The following ZNF699 variants were observed in gnomAD, a reference collection of about 807,000 sequenced individuals.
ZNF699 encodes zinc finger protein 699.
A neutral mutation model predicts 22.5 loss-of-function variants in ZNF699; 18 were observed. The observed-to-expected ratio is 0.80, with a 90% confidence interval of 0.55 to 1.19. The LOEUF (loss-of-function observed/expected upper bound fraction) is 1.19, where lower values mean the gene tolerates loss of function less well. Among genes scored for constraint, ZNF699 ranks in the 50% most tolerant of loss-of-function variants. The pLI, the probability that ZNF699 is intolerant of heterozygous loss-of-function variation, is 0.00. For synonymous variants in ZNF699, 241 were observed against 262.3 expected (o/e 0.92, Z 0.78); for missense variants, 670 against 763.4 (o/e 0.88, Z 1.44).
intron 1 of ZNF699, among the ~76,000 whole-genome samples, chr19:9,306,261 G>C (rs1017415767): frequency 6.6e-6 from 1 of 151,912 alleles, no homozygotes; most frequent in Non-Finnish European, 1.5e-5. Context: ...GCGTGGTGGC[G>C]CAAGCCTGTA....
At chr19:9,301,078 T>C (rs1212997081) in intron 3 of ZNF699, among the ~76,000 whole-genome samples, 3 of 150,896 alleles carry the variant, frequency 2.0e-5, no homozygotes, top group Non-Finnish European at 4.4e-5. Flanking sequence ...TACCTTCCAC[T>C]CAATTCAGCT....
chr19:9,303,977 C>T (rs1568346739), intron 2 of ZNF699, among the ~76,000 whole-genome samples: 2 of 151,586 alleles, frequency 1.3e-5, no homozygotes, highest in Admixed American at 6.6e-5. Flanking sequence ...GCTACCATGC[C>T]CAGCTACTTT....
rs933814184 is a variant in ZNF699, at chr19:9,291,929, T to C, written c.*3546A>G. Among the ~76,000 whole-genome samples, 2 of 152,150 alleles carry C rather than the reference T, an allele frequency of 1.3e-5. No individual in the cohort carries two copies. The highest frequency in any genetic ancestry group is 2.9e-5 in the Non-Finnish European group (2 of 68,038). ...GTTGGCCAGGCTGGTCTTAAACTCC[T>C]GACCTCAGGTGATCCGCCCACCTCG... On this transcript the variant is annotated 3_prime_UTR_variant, in exon 6 of 6. Coordinates refer to ENST00000591998, the MANE Select transcript of ZNF699 (RefSeq NM_198535.3).
chr19:9,305,050 ACAATTAT>A lies in ZNF699; in HGVS notation c.48+15_48+21del, dbSNP rs1481514124. ...TGGTACAATGGAAATATTCTTTTGG[ACAATTAT>A]CACCTTTTACTTACCTGTATTCTAT... On this transcript the variant is annotated intron_variant, in intron 2 of 5. Transcript: ENST00000591998. 1.3e-6 allele frequency: 2 copies of A among 1,599,400 alleles called. No homozygotes were observed. The highest frequency in any genetic ancestry group is 2.7e-5 in the African/African-American group (2 of 74,570).
rs1465683449 is a variant in ZNF699 at position 9,305,260 on chromosome 19, A to AACACACACAC, written c.-5-137_-5-136insGTGTGTGTGT. 2.2e-4 allele frequency: 140 copies of AACACACACAC among 651,014 alleles called. 4 individuals carry two copies. In the African/African-American group the frequency reaches 2.3e-3, roughly 11 times the overall value. 40.3% of individuals were successfully genotyped at this position (651,014 alleles called of 1,614,324 possible). A position where few individuals can be genotyped will look rare whatever the true frequency, so the allele number is the denominator to read the frequency against. On this transcript the variant is annotated intron_variant, in intron 1 of 5. Transcript: ENST00000591998. The stretch of plus-strand genomic sequence containing the variant: ...AATTATAAGTAACAACTCCCCTCAA[A>AACACACACAC]ACACATACACACACACACACACACA...
At position 9,295,449 on chromosome 19, in the gene ZNF699, T is replaced by G. The variant is rs1449019946; in HGVS notation, c.*26A>C. The G allele has an allele frequency of 1.9e-6, 3 of 1,572,974 alleles. No individual in the cohort carries two copies. Among genetic ancestry groups the G allele is most frequent in the Admixed American group, 3.6e-5 (2 of 55,860 alleles). Reference sequence around the variant, plus strand: ...ACATGTTGCCTAGGATCTGAAGCTTTGCAGACATTCCCATATTCCTTACAT... The same window carrying G: ...ACATGTTGCCTAGGATCTGAAGCTTGGCAGACATTCCCATATTCCTTACAT... On this transcript the variant is annotated 3_prime_UTR_variant, in exon 6 of 6. Transcript: ENST00000591998.
At chr19:9,309,146 T>TC (rs1244573548) in intron 1 of ZNF699, among the ~76,000 whole-genome samples, 1 of 149,088 alleles carries the variant, frequency 6.7e-6, no homozygotes, top group Non-Finnish European at 1.5e-5. Flanking sequence ...CTTTTTTTTT[T>TC]TTTTTTTTTT....
In ZNF699 at chr19:9,291,511, T is replaced by C. The variant is rs2066265410; in HGVS notation, c.*3964A>G. On this transcript the variant is annotated 3_prime_UTR_variant, in exon 6 of 6. Transcript: ENST00000591998. ...CCATGGTCTCTTTGATAAATCTATATACACACACCTTGATCCTACCTCACA... is the reference window on the plus strand; with the variant it reads ...CCATGGTCTCTTTGATAAATCTATACACACACACCTTGATCCTACCTCACA... The C allele has an allele frequency of 6.6e-6, 1 of 152,078 alleles. No individual in the cohort carries two copies. Among genetic ancestry groups the C allele is most frequent in the African/African-American group, 2.4e-5 (1 of 41,406 alleles). 9.4% of individuals were successfully genotyped at this position (152,078 alleles called of 1,614,324 possible).
intron 1 of ZNF699, among the ~76,000 whole-genome samples, chr19:9,306,363 G>A (rs1235181370): frequency 6.6e-6 from 1 of 150,606 alleles, no homozygotes; most frequent in Non-Finnish European, 1.5e-5. Context: ...CTGTACTCCA[G>A]CCTGGGAGAC....
chr19:9,296,375 G>C lies in ZNF699; in HGVS notation c.1029C>G (p.Ala343=). ...KPYECKECGK[A]FSSSSHLIIH... Reference sequence around the variant, plus strand: ...TTATAAGGTGAGAGGAAGAGCTAAAGGCCTTCCCACATTCCTTACATTCAT... The same window carrying C: ...TTATAAGGTGAGAGGAAGAGCTAAACGCCTTCCCACATTCCTTACATTCAT... Residue 343 remains alanine, a synonymous_variant, in exon 6 of 6, where the codon GCC becomes GCG. Coordinates refer to ENST00000591998, the MANE Select transcript of ZNF699 (RefSeq NM_198535.3). The C allele has an allele frequency of 6.2e-7, 1 of 1,613,958 alleles. No individual in the cohort carries two copies. The highest frequency in any genetic ancestry group is 8.5e-7 in the Non-Finnish European group (1 of 1,179,938).
rs1170324520 is a variant in ZNF699 at position 9,293,824 on chromosome 19, G to A, written c.*1651C>T. Among the ~76,000 whole-genome samples the A allele has an allele frequency of 1.3e-5, 2 of 150,648 alleles. No individual in the cohort carries two copies. Among genetic ancestry groups the A allele is most frequent in the Non-Finnish European group, 3.0e-5 (2 of 67,744 alleles). On this transcript the variant is annotated 3_prime_UTR_variant, in exon 6 of 6. Coordinates refer to ENST00000591998, the MANE Select transcript of ZNF699 (RefSeq NM_198535.3). Reference sequence around the variant, plus strand: ...AATAGTAGAGTTATACTTTTAAAGAGAAAATATAATAGGAGGGAAATATCA... The same window carrying A: ...AATAGTAGAGTTATACTTTTAAAGAAAAAATATAATAGGAGGGAAATATCA...
In ZNF699 at chr19:9,302,480, C is replaced by T. The variant is rs752174879; in HGVS notation, c.73G>A (p.Ala25Thr). The T allele has an allele frequency of 3.1e-5, 50 of 1,613,334 alleles. No individual in the cohort carries two copies. Among genetic ancestry groups the T allele is most frequent in the Non-Finnish European group, 4.2e-5 (49 of 1,179,618 alleles). ...IQDSVVFEDVAVDFTQEEWAL... is the reference protein window; with the variant it reads ...IQDSVVFEDVTVDFTQEEWAL... ...CATTCCTCCTGGGTAAAGTCCACAG[C>T]CACATCCTCAAAGACTACTGAGTCC... Residue 25 changes from alanine (A) to threonine (T), a missense_variant, in exon 3 of 6, where the codon GCT (alanine) becomes ACT (threonine). By Grantham distance (58) the Ala-to-Thr change is moderately conservative. Coordinates refer to ENST00000591998, the MANE Select transcript of ZNF699 (RefSeq NM_198535.3).
At chr19:9,308,162 T>C (rs527739704) in intron 1 of ZNF699, among the ~76,000 whole-genome samples, 178 of 152,286 alleles carry the variant, frequency 1.2e-3, no homozygotes, top group African/African-American at 4.1e-3. Flanking sequence ...ATTTAATTTA[T>C]TGTTTAAGAC....
chr19:9,308,310 A>G (rs1029774019), intron 1 of ZNF699, among the ~76,000 whole-genome samples: 1 of 152,142 alleles, frequency 6.6e-6, no homozygotes, highest in African/African-American at 2.4e-5. Flanking sequence ...GCAACAGGGC[A>G]TAAACAACAA....
intron 3 of ZNF699, among the ~76,000 whole-genome samples, chr19:9,298,244 G>T (rs949686014): frequency 6.6e-6 from 1 of 151,024 alleles, no homozygotes; most frequent in Admixed American, 6.6e-5. Flanking sequence ...TCAGGGGTTC[G>T]AGACTAGCCT....
intron 3 of ZNF699, among the ~76,000 whole-genome samples, chr19:9,298,229 C>T (rs113840083): frequency 0.017 from 2,552 of 150,430 alleles, 65 homozygotes; most frequent in African/African-American, 0.058. Flanking sequence ...AGGCAGATCA[C>T]GAGGTCAGGG....
chr19:9,303,984 CT>C (rs200733753), intron 2 of ZNF699, among the ~76,000 whole-genome samples: 22 of 151,676 alleles, frequency 1.5e-4, no homozygotes, highest in Admixed American at 6.6e-4. Flanking sequence ...TGCCCAGCTA[CT>C]TTTTTTTGTA....
chr19:9,297,237 G>T lies in ZNF699; in HGVS notation c.470+59C>A. On this transcript the variant is annotated intron_variant, in intron 5 of 5. Transcript: ENST00000591998. This position sits in a 1 kb window ranked among gnomAD's most constrained non-coding sequence, Gnocchi z 4.3. ...TATATACATATTTCTTAAATTTCATGACTTTAATTTTAAGATTCTCTCCTG... is the reference window on the plus strand; with the variant it reads ...TATATACATATTTCTTAAATTTCATTACTTTAATTTTAAGATTCTCTCCTG... 1 of 1,476,750 alleles carries T rather than the reference G, an allele frequency of 6.8e-7. No individual in the cohort carries two copies. The highest frequency in any genetic ancestry group is 9.1e-7 in the Non-Finnish European group (1 of 1,097,296). The allele number at this position is 1,476,750 out of a possible 1,614,324, so 91.5% of individuals were successfully genotyped here. A position where few individuals can be genotyped will look rare whatever the true frequency, so the allele number is the denominator to read the frequency against.
intron 1 of ZNF699, among the ~76,000 whole-genome samples, chr19:9,308,150 TAATTTA>T (rs1337859045): frequency 6.6e-6 from 1 of 152,150 alleles, no homozygotes; most frequent in African/African-American, 2.4e-5. Flanking sequence ...AAAAATTTTT[TAATTTA>T]ATTTATTGTT....
Sources: gnomAD v4.1 joint callset for allele counts (sites outside exome capture counted in the v4.1 genomes callset) on GRCh38, gnomAD v4.1.1 for gene constraint, Gnocchi (gnomAD v3.1) non-coding constraint, MANE v1.5 for transcripts, NCBI Gene and HGNC (gene_info 2026-07-23, HGNC 2026-07-21) for gene names.